Variants in NPL observed in about 807,000 individuals in gnomAD.
NPL encodes the protein N-acetylneuraminate pyruvate lyase, also known as N-acetylneuraminate lyase.
NPL carries 32 observed loss-of-function variants against 41.1 expected under a neutral mutation model. That is an observed-to-expected ratio of 0.78 (90% CI 0.59 to 1.05). The LOEUF (loss-of-function observed/expected upper bound fraction) is 1.05, where lower values mean the gene tolerates loss of function less well. Among genes scored for constraint, NPL ranks in the 50% least tolerant of loss-of-function variants. The probability of loss-of-function intolerance (pLI) is 0.00; values close to 1 mark genes in which losing one functional copy is unlikely to be tolerated. For missense variants in NPL, 321 were observed against 378.4 expected, an observed-to-expected ratio of 0.85 and a Z score of 1.26; for synonymous variants, 128 against 134.9, an observed-to-expected ratio of 0.95 and a Z score of 0.35.
chr1:182,810,451 A>G (rs924843224), intron 5 of NPL, among the ~76,000 whole-genome samples: 1 of 152,208 alleles, frequency 6.6e-6, no homozygotes, highest in Non-Finnish European at 1.5e-5. Context: ...AAAATATCCC[A>G]GTATCATACC....
chr1:182,804,549 A>G (rs978196305), intron 4 of NPL, among the ~76,000 whole-genome samples: 1 of 152,136 alleles, frequency 6.6e-6, no homozygotes, highest in Non-Finnish European at 1.5e-5. Context: ...ATCCCCTTTT[A>G]TTTCATAGAA....
intron 12 of NPL, chr1:182,826,637 T>G (rs1206727248): frequency 6.6e-6 from 1 of 152,270 alleles, no homozygotes; most frequent in Non-Finnish European, 1.5e-5. Flanking sequence ...TTTGCACATT[T>G]GTGTGCTGCC....
intron 7 of NPL, among the ~76,000 whole-genome samples, chr1:182,816,066 A>C (rs1006646688): frequency 1.3e-5 from 2 of 152,258 alleles, no homozygotes; most frequent in Non-Finnish European, 2.9e-5. Context: ...CCTATTACCC[A>C]GTGGCATCCA....
intron 5 of NPL, chr1:182,809,144 A>T (rs1018532425): frequency 7.7e-6 from 3 of 390,418 alleles, no homozygotes; most frequent in Non-Finnish European, 1.5e-5. Flanking sequence ...TAACCCTGTC[A>T]TAAGTCAGGG....
At chr1:182,816,918 C>G in intron 8 of NPL, 112 bp downstream of exon 8, 1 of 785,566 alleles carries the variant, frequency 1.3e-6, no homozygotes, top group Non-Finnish European at 2.2e-6. Flanking sequence ...AAGCACACCA[C>G]CACTGACTGG....
rs754628195 is a variant in NPL, at chr1:182,828,730, G to C, written c.785G>C (p.Gly262Ala). 3.7e-6 allele frequency: 6 copies of C among 1,614,046 alleles called. No homozygotes were observed. In the African/African-American group the frequency reaches 8.0e-5, roughly 22 times the overall value. Reference sequence around the variant, plus strand: ...ATTTGTTTTTCCCGTCTAGGTTTTGGAGTGTCACAGACCAAAGCCATCATG... The same window carrying C: ...ATTTGTTTTTCCCGTCTAGGTTTTGCAGTGTCACAGACCAAAGCCATCATG... ...FINFVVKLGF[G>A]VSQTKAIMTL... The change falls in exon 13 of 13, where the codon GGA (glycine) becomes GCA (alanine). Residue 262 changes from glycine (G) to alanine (A), a missense_variant. Coordinates refer to ENST00000367553, the MANE Select transcript of NPL (RefSeq NM_030769.3). This position sits in a 1 kb window ranked among gnomAD's most constrained non-coding sequence, Gnocchi z 4.0.
chr1:182,797,034 C>CAA (rs59582125), intron 3 of NPL, among the ~76,000 whole-genome samples: 8 of 96,016 alleles, frequency 8.3e-5, no homozygotes, highest in Middle Eastern at 6.4e-3. Flanking sequence ...GAATATGTCT[C>CAA]AAAAAAAAAA....
chr1:182,827,627 T>C (rs1339714704), intron 12 of NPL, among the ~76,000 whole-genome samples: 1 of 152,200 alleles, frequency 6.6e-6, no homozygotes, highest in Non-Finnish European at 1.5e-5. Flanking sequence ...TATATTTTTT[T>C]CAGTATTTCT....
At chr1:182,802,402 C>T (rs1571430617) in intron 3 of NPL, among the ~76,000 whole-genome samples, 1 of 152,320 alleles carries the variant, frequency 6.6e-6, no homozygotes, top group East Asian at 1.9e-4. Context: ...TCTATCTTTC[C>T]TCATTTTGTT....
chr1:182,790,503 C>T (rs1312370473), intron 1 of NPL, among the ~76,000 whole-genome samples: 1 of 152,198 alleles, frequency 6.6e-6, no homozygotes, highest in African/African-American at 2.4e-5. Context: ...TTATCTAAAA[C>T]TTGAATCTTA....
intron 6 of NPL, among the ~76,000 whole-genome samples, chr1:182,813,906 A>G (rs772057593): frequency 6.6e-6 from 1 of 152,232 alleles, no homozygotes; most frequent in Non-Finnish European, 1.5e-5. Flanking sequence ...TGTTAATGAA[A>G]TTATTCCCAG....
chr1:182,810,944 A>G (rs778245902), intron 5 of NPL, among the ~76,000 whole-genome samples: 7 of 152,174 alleles, frequency 4.6e-5, no homozygotes, highest in Non-Finnish European at 1.0e-4. Context: ...TTCAAGCTCA[A>G]GACTCTAACT....
chr1:182,815,244 G>A (rs1667290798), intron 7 of NPL, among the ~76,000 whole-genome samples: 1 of 152,172 alleles, frequency 6.6e-6, no homozygotes. Context: ...CCTATTCAAG[G>A]TTGAGTGAAT....
At chr1:182,823,231 T>C (rs1667537869) in intron 11 of NPL, among the ~76,000 whole-genome samples, 1 of 152,194 alleles carries the variant, frequency 6.6e-6, no homozygotes, top group Admixed American at 6.5e-5. Context: ...TGGTTGGTCC[T>C]AATAAAGCTT....
Position 182,829,113 on chromosome 1 carries a change from ATTCAT to A in NPL, c.*210_*214del. On this transcript the variant is annotated 3_prime_UTR_variant, in exon 13 of 13. Transcript: ENST00000367553. ...ACTCTAGGAGTCACAACTCTCAGTC[ATTCAT>A]TTCACAGATTTTTTTGTGGAGAAAT... 1 of 1,392,710 alleles carries A rather than the reference ATTCAT, an allele frequency of 7.2e-7. No individual in the cohort carries two copies. The highest frequency in any genetic ancestry group is 2.7e-5 in the East Asian group (1 of 37,406). The allele number at this position is 1,392,710 out of a possible 1,614,324, so 86.3% of individuals were successfully genotyped here.
intron 2 of NPL, among the ~76,000 whole-genome samples, chr1:182,794,025 T>G (rs183832952): frequency 6.6e-6 from 1 of 152,330 alleles, no homozygotes; most frequent in East Asian, 1.9e-4. Context: ...TAATTCACTG[T>G]ATGTTTTACT....
At chr1:182,822,598 G>A (rs1161150267) in intron 11 of NPL, among the ~76,000 whole-genome samples, 1 of 152,196 alleles carries the variant, frequency 6.6e-6, no homozygotes, top group Non-Finnish European at 1.5e-5. Context: ...CTAAAATGGG[G>A]AAGGCTTCAT....
At chr1:182,789,979 G>A (rs1666451461) in intron 1 of NPL, among the ~76,000 whole-genome samples, 174 bp downstream of exon 1, 1 of 152,232 alleles carries the variant, frequency 6.6e-6, no homozygotes, top group East Asian at 1.9e-4. Flanking sequence ...GGGAAGGTGT[G>A]AATGCGAAAA....
At chr1:182,822,519 C>T (rs987609636) in intron 11 of NPL, among the ~76,000 whole-genome samples, 3 of 152,166 alleles carry the variant, frequency 2.0e-5, no homozygotes, top group African/African-American at 7.2e-5. Context: ...AAAATGACCA[C>T]AGGCTGTCCC....
Sources: gnomAD v4.1 joint callset for allele counts (sites outside exome capture counted in the v4.1 genomes callset) on GRCh38, gnomAD v4.1.1 for gene constraint, Gnocchi (gnomAD v3.1) non-coding constraint, MANE v1.5 for transcripts, NCBI Gene and HGNC (gene_info 2026-07-23, HGNC 2026-07-21) for gene names.